Variants in FAM13B observed in about 807,000 individuals in gnomAD.
FAM13B encodes the protein protein FAM13B.
FAM13B carries 60 observed loss-of-function variants against 117.3 expected under a neutral mutation model. The ratio of observed to expected loss-of-function variants is 0.51; its 90% confidence interval spans 0.42 to 0.63. The LOEUF (loss-of-function observed/expected upper bound fraction) is 0.63, where lower values mean the gene tolerates loss of function less well. Among genes scored for constraint, FAM13B ranks in the 30% least tolerant of loss-of-function variants. The pLI, the probability that FAM13B is intolerant of heterozygous loss-of-function variation, is 0.00. For synonymous variants in FAM13B, 332 were observed against 356.1 expected, an observed-to-expected ratio of 0.93 and a Z score of 0.76; for missense variants, 972 against 1,091.9, an observed-to-expected ratio of 0.89 and a Z score of 1.55.
At chr5:138,028,622 C>T (rs1789068979) in intron 1 of FAM13B, among the ~76,000 whole-genome samples, 1 of 152,188 alleles carries the variant, frequency 6.6e-6, no homozygotes, top group Non-Finnish European at 1.5e-5. Context: ...GTGGCTCCTG[C>T]CTATAATCCC....
intron 1 of FAM13B, among the ~76,000 whole-genome samples, chr5:138,021,969 T>A (rs1786849022): frequency 6.6e-6 from 1 of 151,846 alleles, no homozygotes; most frequent in Non-Finnish European, 1.5e-5. Flanking sequence ...AATTTAGAAA[T>A]TAGCCAGGTA....
chr5:137,993,037 G>A (rs1408239355), intron 7 of FAM13B, among the ~76,000 whole-genome samples: 1 of 152,114 alleles, frequency 6.6e-6, no homozygotes, highest in East Asian at 1.9e-4. Flanking sequence ...GCAGCAGCAT[G>A]GATAAATCTC....
chr5:138,016,880 T>C (rs1447244977), intron 4 of FAM13B, among the ~76,000 whole-genome samples: 4 of 152,196 alleles, frequency 2.6e-5, no homozygotes, highest in African/African-American at 7.2e-5. Flanking sequence ...AGAATGGCTC[T>C]AGAGTTATTT....
At chr5:137,951,233 A>AAAAAAAAAAAT (rs1457502693) in intron 17 of FAM13B, among the ~76,000 whole-genome samples, 6 of 147,026 alleles carry the variant, frequency 4.1e-5, no homozygotes, top group Non-Finnish European at 6.0e-5. Flanking sequence ...AAAAAAAAAA[A>AAAAAAAAAAAT]GGAGAGAGAG....
chr5:137,994,474 A>G (rs1343315111), intron 7 of FAM13B, among the ~76,000 whole-genome samples: 1 of 152,246 alleles, frequency 6.6e-6, no homozygotes, highest in Non-Finnish European at 1.5e-5. Context: ...CACACACACC[A>G]ATAGAAATAA....
rs566920727 is a variant in FAM13B at position 138,015,045 on chromosome 5, T to C, written c.371-3100A>G. 2.5e-4 allele frequency among the ~76,000 whole-genome samples: 38 copies of C among 152,336 alleles called. No individual in the cohort carries two copies. The East Asian group carries it at 7.3e-3, about 29-fold the overall frequency. ...ATGTTTTCTATCAAAACACAATGTA[T>C]AAGCAGTTGGACTAACCATTATGGT... On this transcript the variant is annotated intron_variant, in intron 4 of 23. Coordinates refer to ENST00000689681, the MANE Select transcript of FAM13B (RefSeq NM_001385994.1).
At chr5:137,977,770 C>T (rs186824061) in intron 10 of FAM13B, among the ~76,000 whole-genome samples, 26 of 152,348 alleles carry the variant, frequency 1.7e-4, no homozygotes, top group African/African-American at 6.0e-4. Context: ...TCATTCTCAA[C>T]CATGAAATCC....
chr5:138,007,068 T>A lies in FAM13B; in HGVS notation c.770A>T (p.Lys257Ile). 6.2e-7 allele frequency: 1 copy of A among 1,613,744 alleles called. No individual in the cohort carries two copies. The change falls in exon 7 of 24, where the codon AAA (lysine) becomes ATA (isoleucine). Residue 257 changes from lysine to isoleucine, a missense_variant. Lys to Ile is a moderately radical substitution (Grantham distance 102). Coordinates refer to ENST00000689681, the MANE Select transcript of FAM13B (RefSeq NM_001385994.1). ...IEELPEEGAE[K>I]SNDMPEVVQL... ...TACCACCTCTGGCATGTCATTTGAT[T>A]TTTCTGCACCCTCTTCTGGAAGTTC...
At chr5:137,984,052 T>C (rs1479991620) in intron 10 of FAM13B, among the ~76,000 whole-genome samples, 1 of 152,202 alleles carries the variant, frequency 6.6e-6, no homozygotes, top group Non-Finnish European at 1.5e-5. Context: ...ATGGCAATTA[T>C]ATTAAAAAAA....
intron 7 of FAM13B, among the ~76,000 whole-genome samples, chr5:137,999,120 C>CTT (rs1187795030): frequency 8.3e-6 from 1 of 120,392 alleles, no homozygotes; most frequent in African/African-American, 2.9e-5. Flanking sequence ...TTTTTTTTGT[C>CTT]TTTTTTTTTT....
At chr5:138,038,947 A>T (rs1319374025) in intron 1 of FAM13B, among the ~76,000 whole-genome samples, 2 of 152,196 alleles carry the variant, frequency 1.3e-5, no homozygotes, top group South Asian at 4.1e-4. Context: ...AAGTTAACAT[A>T]ATGTGGATTT....
chr5:137,988,702 C>T (rs1777857127), intron 7 of FAM13B, among the ~76,000 whole-genome samples: 1 of 152,206 alleles, frequency 6.6e-6, no homozygotes, highest in South Asian at 2.1e-4. Context: ...ATGCATATGG[C>T]CATGGGTTGG....
intron 10 of FAM13B, among the ~76,000 whole-genome samples, chr5:137,965,353 A>T (rs1203625364): frequency 6.6e-6 from 1 of 152,146 alleles, no homozygotes; most frequent in African/African-American, 2.4e-5. Context: ...TGGCAGCAGC[A>T]GGAGGAGCAG....
At chr5:137,957,662 A>G (rs931085374) in intron 13 of FAM13B, among the ~76,000 whole-genome samples, 1 of 152,158 alleles carries the variant, frequency 6.6e-6, no homozygotes, top group Non-Finnish European at 1.5e-5. Context: ...GCACATGCAC[A>G]GTTCATGGCT....
intron 10 of FAM13B, among the ~76,000 whole-genome samples, chr5:137,963,188 G>C (rs1377084563): frequency 6.6e-6 from 1 of 152,166 alleles, no homozygotes; most frequent in East Asian, 1.9e-4. Context: ...TGCAAAAAAA[G>C]CTGTTAAAAT....
At chr5:137,963,582 T>C (rs1456358408) in intron 10 of FAM13B, among the ~76,000 whole-genome samples, 1 of 152,190 alleles carries the variant, frequency 6.6e-6, no homozygotes, top group Non-Finnish European at 1.5e-5. Flanking sequence ...AGACCCAAAG[T>C]GTGAGAACCA....
At chr5:137,944,912 C>CTTT (rs1763023145) in intron 20 of FAM13B, among the ~76,000 whole-genome samples, 3 of 124,714 alleles carry the variant, frequency 2.4e-5, no homozygotes, top group African/African-American at 9.1e-5. Flanking sequence ...TACTCATGGA[C>CTTT]ATAAAAAAAA....
chr5:137,939,633 A>C lies in FAM13B; in HGVS notation c.*592T>G, dbSNP rs1480310969. 2 of 167,782 alleles carry C rather than the reference A, an allele frequency of 1.2e-5. No homozygotes were observed. Among genetic ancestry groups the C allele is most frequent in the Non-Finnish European group, 2.5e-5 (2 of 79,120 alleles). The allele number at this position is 167,782 out of a possible 1,614,324, so 10.4% of individuals were successfully genotyped here. On this transcript the variant is annotated 3_prime_UTR_variant, in exon 24 of 24. Transcript: ENST00000689681. ...AGCTGTGTGACCAGCGAATTGCAAA[A>C]TTTTACTAACATACTACCTGTGAGA...
rs182198832 is a variant in FAM13B at position 137,966,583 on chromosome 5, C to T, written c.1180-4114G>A. On this transcript the variant is annotated intron_variant, in intron 10 of 23. Transcript: ENST00000689681. ...ATAAGAAAACAATCCAATTTAAAAA[C>T]GGGCAAAAGACCTGAATAAACACCT... Among the ~76,000 whole-genome samples the T allele has an allele frequency of 1.5e-4, 22 of 143,594 alleles. 1 individual carries two copies. Among genetic ancestry groups the T allele is most frequent in the Admixed American group, 1.2e-3 (17 of 14,116 alleles). 94.2% of individuals were successfully genotyped at this position (143,594 alleles called of 152,430 possible). A position where few individuals can be genotyped will look rare whatever the true frequency, so the allele number is the denominator to read the frequency against.
Sources: gnomAD v4.1 joint callset for allele counts (sites outside exome capture counted in the v4.1 genomes callset) on GRCh38, gnomAD v4.1.1 for gene constraint, MANE v1.5 for transcripts, NCBI Gene and HGNC (gene_info 2026-07-23, HGNC 2026-07-21) for gene names.